CLVS1: variants seen among roughly 807,000 people sequenced by gnomAD.
The protein encoded by CLVS1 is clavesin 1.
A neutral mutation model predicts 33.1 loss-of-function variants in CLVS1; 10 were observed. The ratio of observed to expected loss-of-function variants is 0.30; its 90% CI spans 0.19 to 0.51. The LOEUF (loss-of-function observed/expected upper bound fraction) is 0.51, where lower values mean the gene tolerates loss of function less well. CLVS1 is among the 20% of genes least tolerant of loss of function. CLVS1 has a pLI of 0.97. For synonymous variants in CLVS1, 163 were observed against 166.1 expected (o/e 0.98, Z 0.14); for missense variants, 343 against 433.4 (o/e 0.79, Z 1.85).
chr8:61,034,743 T>A, the CLVS1 span, among the ~76,000 whole-genome samples: 2 of 152,190 alleles, frequency 1.3e-5, no homozygotes, highest in Non-Finnish European at 2.9e-5. Flanking sequence ...TTACTTGCAA[T>A]GGCGGTGAAA....
At chr8:61,448,904 T>C (rs1262394815) in intron 3 of CLVS1, among the ~76,000 whole-genome samples, 1 of 152,222 alleles carries the variant, frequency 6.6e-6, no homozygotes, top group Non-Finnish European at 1.5e-5. Context: ...GGTGTTGTCC[T>C]CTATTGACTG....
chr8:61,070,044 C>T (rs1322155377), intron 1 of CLVS1, among the ~76,000 whole-genome samples: 5 of 152,120 alleles, frequency 3.3e-5, no homozygotes, highest in Non-Finnish European at 5.9e-5. Context: ...CCACCCGCCT[C>T]GGCCTCCAAA....
chr8:61,266,374 A>G (rs1021454812), intron 2 of CLVS1, among the ~76,000 whole-genome samples: 1 of 151,800 alleles, frequency 6.6e-6, no homozygotes, highest in Non-Finnish European at 1.5e-5. Context: ...ATCAATTGGA[A>G]CAAAATGCTT....
At chr8:61,081,427 C>G (rs1214055943) in intron 1 of CLVS1, among the ~76,000 whole-genome samples, 1 of 152,150 alleles carries the variant, frequency 6.6e-6, no homozygotes, top group Non-Finnish European at 1.5e-5. Context: ...CCGAAGCTTG[C>G]TGAGGCCAAC....
At chr8:61,026,940 C>A in the CLVS1 span, among the ~76,000 whole-genome samples, 1 of 152,094 alleles carries the variant, frequency 6.6e-6, no homozygotes, top group Non-Finnish European at 1.5e-5. Flanking sequence ...GCCTCATCAA[C>A]AAATCCTCTT....
chr8:61,220,187 C>A (rs190678922), intron 2 of CLVS1, among the ~76,000 whole-genome samples: 1 of 152,272 alleles, frequency 6.6e-6, no homozygotes, highest in African/African-American at 2.4e-5. Flanking sequence ...TCAATCTTGG[C>A]TTTTGTTGCA....
At chr8:61,396,030 T>C (rs1449684054) in intron 3 of CLVS1, among the ~76,000 whole-genome samples, 1 of 152,336 alleles carries the variant, frequency 6.6e-6, no homozygotes, top group East Asian at 1.9e-4. Context: ...TTATCCCAAA[T>C]GGAAACTCGG....
At chr8:61,374,693 T>C (rs971142134) in intron 2 of CLVS1, among the ~76,000 whole-genome samples, 6 of 152,156 alleles carry the variant, frequency 3.9e-5, no homozygotes, top group African/African-American at 1.2e-4. Context: ...GAAACCATAA[T>C]GACAAAAAGA....
chr8:61,185,583 T>G (rs1807330034), intron 2 of CLVS1, among the ~76,000 whole-genome samples: 1 of 152,196 alleles, frequency 6.6e-6, no homozygotes, highest in Non-Finnish European at 1.5e-5. Context: ...TGAAAATTTC[T>G]GTAAATAAAC....
chr8:61,358,454 C>T (rs1362306256), intron 2 of CLVS1, among the ~76,000 whole-genome samples: 1 of 152,206 alleles, frequency 6.6e-6, no homozygotes, highest in Non-Finnish European at 1.5e-5. Flanking sequence ...TTTATTCTAT[C>T]TCTCTGAACT....
the CLVS1 span, among the ~76,000 whole-genome samples, chr8:60,994,041 G>A: frequency 1.3e-5 from 2 of 152,288 alleles, no homozygotes; most frequent in East Asian, 1.9e-4. Context: ...CCATTATGAC[G>A]TGCCATAGAC....
chr8:61,202,150 A>G (rs896504688), intron 2 of CLVS1, among the ~76,000 whole-genome samples: 20 of 152,218 alleles, frequency 1.3e-4, no homozygotes, highest in African/African-American at 4.1e-4. Flanking sequence ...GCTTGCTTGG[A>G]CCATTATAAG....
intron 2 of CLVS1, among the ~76,000 whole-genome samples, chr8:61,206,718 A>G (rs1418254867): frequency 1.3e-5 from 2 of 151,198 alleles, no homozygotes; most frequent in Admixed American, 6.6e-5. Flanking sequence ...CCTCCCGAGT[A>G]GCTGGGACTA....
chr8:61,379,883 G>C (rs541303151), intron 3 of CLVS1, among the ~76,000 whole-genome samples: 11 of 152,286 alleles, frequency 7.2e-5, no homozygotes, highest in African/African-American at 2.6e-4. Flanking sequence ...CTCAGTCACT[G>C]TGTGCTGGCT....
At chr8:61,360,041 G>A (rs1263393786) in intron 2 of CLVS1, among the ~76,000 whole-genome samples, 1 of 151,972 alleles carries the variant, frequency 6.6e-6, no homozygotes, top group Non-Finnish European at 1.5e-5. Context: ...ACTCTACAGA[G>A]CCATTGTAGG....
chr8:61,249,764 T>A (rs1808893532), intron 2 of CLVS1, among the ~76,000 whole-genome samples: 1 of 152,132 alleles, frequency 6.6e-6, no homozygotes, highest in Non-Finnish European at 1.5e-5. Flanking sequence ...TTTGATGGGG[T>A]TGTTTTTTTC....
At chr8:61,340,182 C>T (rs769946099) in intron 2 of CLVS1, among the ~76,000 whole-genome samples, 1 of 152,208 alleles carries the variant, frequency 6.6e-6, no homozygotes, top group African/African-American at 2.4e-5. Context: ...AACATTACCT[C>T]GCACATGTAG....
the CLVS1 span, among the ~76,000 whole-genome samples, chr8:61,015,041 A>G: frequency 6.6e-6 from 1 of 152,234 alleles, no homozygotes; most frequent in Non-Finnish European, 1.5e-5. Context: ...CAAATCTGCC[A>G]GTGGCAATTG....
At chr8:61,059,916 T>C (rs1267604757) in intron 1 of CLVS1, among the ~76,000 whole-genome samples, 1 of 152,172 alleles carries the variant, frequency 6.6e-6, no homozygotes, top group Non-Finnish European at 1.5e-5. Context: ...GAAGGGCAGA[T>C]GTGAAGTATG....
Sources: allele counts gnomAD v4.1 joint callset (sites outside exome capture counted in the v4.1 genomes callset), GRCh38; gene constraint gnomAD v4.1.1; transcripts MANE v1.5; gene names NCBI Gene and HGNC (gene_info 2026-07-23, HGNC 2026-07-21).